The following MSH4 variants were observed in gnomAD, a reference collection of about 807,000 sequenced individuals.
MSH4 encodes the protein mutS homolog 4.
In MSH4, 106 loss-of-function variants were observed where a neutral mutation model predicts 113.7. The ratio of observed to expected loss-of-function variants is 0.93; its 90% CI spans 0.80 to 1.10. The LOEUF is 1.10. MSH4 is among the 50% of genes least tolerant of loss of function. The probability of loss-of-function intolerance (pLI) is 0.00; values close to 1 mark genes in which losing one functional copy is unlikely to be tolerated. For missense variants in MSH4, 1,061 were observed against 1,093.7 expected (o/e 0.97, Z 0.42); for synonymous variants, 368 against 380.2 (o/e 0.97, Z 0.37).
chr1:75,813,227 C>T (rs1473566138), intron 4 of MSH4, among the ~76,000 whole-genome samples: 1 of 152,100 alleles, frequency 6.6e-6, no homozygotes, highest in Non-Finnish European at 1.5e-5. Context: ...TTAGAGTAAT[C>T]ACTATTTCTG....
At chr1:75,825,398 G>T (rs1650524485) in intron 7 of MSH4, among the ~76,000 whole-genome samples, 1 of 152,108 alleles carries the variant, frequency 6.6e-6, no homozygotes. Context: ...ATATAATCAT[G>T]TCATCTGCAA....
intron 17 of MSH4, among the ~76,000 whole-genome samples, chr1:75,897,499 T>C (rs1652410850): frequency 6.6e-6 from 1 of 152,158 alleles, no homozygotes; most frequent in Non-Finnish European, 1.5e-5. Flanking sequence ...GCTACTTTTA[T>C]AGTTAAGTTT....
At chr1:75,820,890 C>T (rs1267056659) in intron 6 of MSH4, among the ~76,000 whole-genome samples, 1 of 150,826 alleles carries the variant, frequency 6.6e-6, no homozygotes. Context: ...TACAGGAGCA[C>T]CCAGATTCAT....
At chr1:75,897,545 G>A (rs1351028414) in intron 17 of MSH4, among the ~76,000 whole-genome samples, 2 of 151,988 alleles carry the variant, frequency 1.3e-5, no homozygotes, top group Non-Finnish European at 2.9e-5. Context: ...TTTTTTGCAT[G>A]TGAGTTACCT....
intron 8 of MSH4, among the ~76,000 whole-genome samples, chr1:75,862,213 A>G (rs1332868053): frequency 6.6e-6 from 1 of 152,162 alleles, no homozygotes; most frequent in Non-Finnish European, 1.5e-5. Context: ...GCTAGGAAAG[A>G]GAAATCCCCC....
intron 19 of MSH4, among the ~76,000 whole-genome samples, chr1:75,904,517 CTTTCTTTTTT>C (rs1652578742): frequency 1.6e-5 from 2 of 121,770 alleles, no homozygotes; most frequent in African/African-American, 6.6e-5. Context: ...TTTTCTTTTT[CTTTCTTTTTT>C]TTTTGACAGG....
At chr1:75,807,362 G>A (rs765235370) in intron 3 of MSH4, among the ~76,000 whole-genome samples, 1 of 151,906 alleles carries the variant, frequency 6.6e-6, no homozygotes, top group Non-Finnish European at 1.5e-5. Flanking sequence ...ATTTAAATAA[G>A]CTATTGTTAG....
intron 17 of MSH4, among the ~76,000 whole-genome samples, chr1:75,896,487 G>A (rs955365020): frequency 5.4e-5 from 8 of 148,796 alleles, no homozygotes; most frequent in African/African-American, 2.0e-4. Context: ...TACTCTTTTT[G>A]CCCAGGCTGG....
At chr1:75,808,779 C>G (rs1442012258) in intron 3 of MSH4, among the ~76,000 whole-genome samples, 1 of 152,102 alleles carries the variant, frequency 6.6e-6, no homozygotes, top group African/African-American at 2.4e-5. Flanking sequence ...AATTTAGCCT[C>G]TTAATTTCTT....
chr1:75,807,427 A>G (rs957081727), intron 3 of MSH4, among the ~76,000 whole-genome samples: 1 of 152,192 alleles, frequency 6.6e-6, no homozygotes, highest in African/African-American at 2.4e-5. Context: ...TTTATTCCAA[A>G]GGTAATATAT....
chr1:75,899,760 T>A, intron 19 of MSH4, 54 bp downstream of exon 19: 1 of 909,986 alleles, frequency 1.1e-6, no homozygotes, highest in Non-Finnish European at 1.6e-6. Flanking sequence ...ACTTTTAGTG[T>A]AGATTTTTAT....
chr1:75,845,816 C>T (rs922459575), intron 7 of MSH4, among the ~76,000 whole-genome samples: 19 of 152,176 alleles, frequency 1.2e-4, no homozygotes, highest in African/African-American at 4.6e-4. Flanking sequence ...CTCCACCAGG[C>T]ATAGTGGGGG....
In MSH4 at chr1:75,848,211, A is replaced by G. The variant is rs1316712159; in HGVS notation, c.1165A>G (p.Ile389Val). The change falls in exon 8 of 20, where the codon ATA becomes GTA. Residue 389 changes from isoleucine to valine, a missense_variant and splice_region_variant. Coordinates refer to ENST00000263187, the MANE Select transcript of MSH4 (RefSeq NM_002440.4). ...EELFFGLQSV[I>V]SRFLDTEQLL... ...TCACATTTGTTTGTTTGTTTCAGTT[A>G]TATCAAGATTTCTTGATACAGAGCA... The G allele has an allele frequency of 3.1e-6, 5 of 1,594,918 alleles. No individual in the cohort carries two copies. Among genetic ancestry groups the G allele is most frequent in the Non-Finnish European group, 4.3e-6 (5 of 1,165,396 alleles).
chr1:75,863,260 A>G (rs114653029), intron 8 of MSH4, among the ~76,000 whole-genome samples: 31 of 152,300 alleles, frequency 2.0e-4, no homozygotes, highest in African/African-American at 6.7e-4. Flanking sequence ...TTATACTCCA[A>G]TGTTATATTT....
intron 15 of MSH4, among the ~76,000 whole-genome samples, chr1:75,884,299 A>G (rs1652005261): frequency 6.6e-6 from 1 of 152,130 alleles, no homozygotes; most frequent in South Asian, 2.1e-4. Flanking sequence ...TTGATATATT[A>G]TACATACACA....
chr1:75,878,429 C>T lies in MSH4; in HGVS notation c.1540+111C>T, dbSNP rs74089624. 1.9e-3 allele frequency: 1,629 copies of T among 843,274 alleles called. 27 individuals carry two copies. The African/African-American group carries it at 0.026, about 13-fold the overall frequency. The allele number at this position is 843,274 out of a possible 1,614,324, so 52.2% of individuals were successfully genotyped here. On this transcript the variant is annotated intron_variant, in intron 11 of 19. Coordinates refer to ENST00000263187, the MANE Select transcript of MSH4 (RefSeq NM_002440.4). ...CCATACATATTTTAAATTTATTTTT[C>T]GTTACCAAAACATAAGGTTAGCATG...
chr1:75,808,675 T>G (rs1042960769), intron 3 of MSH4, among the ~76,000 whole-genome samples: 3 of 152,168 alleles, frequency 2.0e-5, no homozygotes, highest in Non-Finnish European at 4.4e-5. Context: ...CCCAAACCCA[T>G]GATAATGCTA....
At chr1:75,871,645 A>T (rs1461046049) in intron 9 of MSH4, among the ~76,000 whole-genome samples, 1 of 152,234 alleles carries the variant, frequency 6.6e-6, no homozygotes, top group Non-Finnish European at 1.5e-5. Context: ...AACAGCTGGT[A>T]AAAATACAGA....
intron 7 of MSH4, among the ~76,000 whole-genome samples, chr1:75,829,290 C>T (rs1286466799): frequency 6.6e-6 from 1 of 152,154 alleles, no homozygotes; most frequent in Non-Finnish European, 1.5e-5. Context: ...GGCCAGGAAG[C>T]TCAAACTGGG....
Sources: allele counts gnomAD v4.1 joint callset (sites outside exome capture counted in the v4.1 genomes callset), GRCh38; gene constraint gnomAD v4.1.1; transcripts MANE v1.5; gene names NCBI Gene and HGNC (gene_info 2026-07-23, HGNC 2026-07-21).